Variants in VPS13A observed in about 807,000 individuals in gnomAD.
VPS13A encodes intermembrane lipid transfer protein VPS13A.
VPS13A carries 264 observed loss-of-function variants against 390.9 expected under a neutral mutation model. That is an observed-to-expected ratio of 0.68 (90% CI 0.61 to 0.75). The LOEUF (loss-of-function observed/expected upper bound fraction) is 0.75. Among genes scored for constraint, VPS13A ranks in the 30% least tolerant of loss-of-function variants. The pLI is 0.00. For missense variants in VPS13A, 3,409 were observed against 3,733.9 expected, an observed-to-expected ratio of 0.91 and a Z score of 2.27; for synonymous variants, 1,231 against 1,227.1, an observed-to-expected ratio of 1.00 and a Z score of -0.07.
intron 1 of VPS13A, chr9:77,178,330 C>T (rs1355155840): frequency 6.5e-6 from 1 of 154,726 alleles, no homozygotes; most frequent in Non-Finnish European, 1.4e-5. Context: ...GCCTCAATTC[C>T]TGGCTTCACC....
At chr9:77,269,927 G>C (rs985279910) in intron 23 of VPS13A, among the ~76,000 whole-genome samples, 2 of 152,132 alleles carry the variant, frequency 1.3e-5, no homozygotes, top group Admixed American at 1.3e-4. Flanking sequence ...AGGAAATTTG[G>C]TCTCACAGAG....
chr9:77,313,821 T>A (rs902082121), intron 35 of VPS13A, among the ~76,000 whole-genome samples, 171 bp from the exon 36 acceptor site: 7 of 151,960 alleles, frequency 4.6e-5, no homozygotes, highest in African/African-American at 1.7e-4. Flanking sequence ...ATGGAAAGAG[T>A]CCTAAGCCAG....
In VPS13A at chr9:77,358,375, G is replaced by A. The variant is rs769647678; in HGVS notation, c.7972G>A (p.Gly2658Ser). 34 of 1,613,176 alleles carry A rather than the reference G, an allele frequency of 2.1e-5. 2 individuals carry two copies. The South Asian group carries it at 3.5e-4, about 17-fold the overall frequency. Residue 2658 changes from glycine (G) to serine (S), a missense_variant, in exon 57 of 72, where the codon GGT (glycine) becomes AGT (serine). This residue lies in a region of VPS13A where 221 missense variants were observed against 300.7 expected (regional missense o/e 0.73). Coordinates refer to ENST00000360280, the MANE Select transcript of VPS13A (RefSeq NM_033305.3). Reference sequence around the variant, plus strand: ...TTCTTAGATCCAAAATCAGATACATGGTGCTGTATTTCCCTTTGTGTTTTA... The same window carrying A: ...TTCTTAGATCCAAAATCAGATACATAGTGCTGTATTTCCCTTTGTGTTTTA... ...YRIQIQNQIH[G>S]AVFPFVFYPV...
intron 68 of VPS13A, among the ~76,000 whole-genome samples, chr9:77,384,383 G>T (rs977666773): frequency 2.0e-5 from 3 of 151,804 alleles, no homozygotes; most frequent in Non-Finnish European, 4.4e-5. Context: ...TATACATTGA[G>T]TTTGTACCAA....
rs779216309 is a variant in VPS13A, at chr9:77,260,124, G to A, written c.2327G>A (p.Arg776Gln). ...GGAAAGTTACCTCTTATTTCTTTACGAATCTCAGATAAAAAACTACAAGGG... is the reference window on the plus strand; with the variant it reads ...GGAAAGTTACCTCTTATTTCTTTACAAATCTCAGATAAAAAACTACAAGGG... The part of the protein sequence containing the change: ...IYGKLPLISL[R>Q]ISDKKLQGIM... Residue 776 changes from arginine to glutamine, a missense_variant, in exon 23 of 72, where the codon CGA becomes CAA. By Grantham distance (43) the Arg-to-Gln change is conservative (BLOSUM62 1). Coordinates refer to ENST00000360280, the MANE Select transcript of VPS13A (RefSeq NM_033305.3). 3.2e-6 allele frequency: 5 copies of A among 1,566,282 alleles called. No homozygotes were observed. The highest frequency in any genetic ancestry group is 2.3e-5 in the South Asian group (2 of 88,788).
At chr9:77,296,250 C>T (rs1485952580) in intron 33 of VPS13A, among the ~76,000 whole-genome samples, 4 of 152,268 alleles carry the variant, frequency 2.6e-5, no homozygotes, top group East Asian at 3.9e-4. Context: ...GTAATTTAAA[C>T]GAACATGCAG....
At position 77,333,508 on chromosome 9, in the gene VPS13A, A is replaced by G. The variant is rs936329369; in HGVS notation, c.6095+1395A>G. Among the ~76,000 whole-genome samples the G allele has an allele frequency of 2.2e-5, 3 of 138,540 alleles. No homozygotes were observed. The Admixed American group carries it at 2.5e-4, about 12-fold the overall frequency. 90.9% of individuals were successfully genotyped at this position (138,540 alleles called of 152,430 possible). On this transcript the variant is annotated intron_variant, in intron 46 of 71. Coordinates refer to ENST00000360280, the MANE Select transcript of VPS13A (RefSeq NM_033305.3). ...GTGCAATGGCGGGATCTCAGCTCCC[A>G]GGTTCAAGCGAGTCTCCTGCCTCAG...
rs200873815 is a variant in VPS13A, at chr9:77,316,448, T to C, written c.4863+42T>C. ...ATCATCTGCTTAATTGTAACTATTT[T>C]GGATGTAGTGTATACCATTTTAGGA... On this transcript the variant is annotated intron_variant, in intron 39 of 71. Coordinates refer to ENST00000360280, the MANE Select transcript of VPS13A (RefSeq NM_033305.3). The C allele has an allele frequency of 9.9e-5, 155 of 1,558,080 alleles. No homozygotes were observed. The African/African-American group carries it at 2.0e-3, about 20-fold the overall frequency.
chr9:77,215,642 T>C (rs1304597265), intron 10 of VPS13A, among the ~76,000 whole-genome samples: 1 of 152,134 alleles, frequency 6.6e-6, no homozygotes, highest in Non-Finnish European at 1.5e-5. Context: ...CTCATAAAAA[T>C]GCTAAAGATA....
chr9:77,384,447 C>A, intron 68 of VPS13A: 1 of 1,172,692 alleles, frequency 8.5e-7, no homozygotes, highest in Non-Finnish European at 1.3e-6. Context: ...TCCATAATTA[C>A]AGTCTGAGTC....
intron 71 of VPS13A, among the ~76,000 whole-genome samples, chr9:77,411,660 C>CAAAAAAAAAAAAAAAAAAAAAAAAAA (rs1169254413): frequency 1.5e-4 from 5 of 33,920 alleles, no homozygotes; most frequent in African/African-American, 2.4e-4. Context: ...AACTCCATCT[C>CAAAAAAAAAAAAAAAAAAAAAAAAAA]AAAAAAAAAA....
chr9:77,293,429 A>C lies in VPS13A; in HGVS notation c.3428A>C (p.Asn1143Thr), dbSNP rs758475757. 6 of 1,611,058 alleles carry C rather than the reference A, an allele frequency of 3.7e-6. No individual in the cohort carries two copies. The highest frequency in any genetic ancestry group is 1.7e-6 in the Non-Finnish European group (2 of 1,178,812). Residue 1143 changes from asparagine (N) to threonine (T), a missense_variant, in exon 32 of 72, where the codon AAT (asparagine) becomes ACT (threonine). Asn to Thr is a moderately conservative substitution (Grantham distance 65). Coordinates refer to ENST00000360280, the MANE Select transcript of VPS13A (RefSeq NM_033305.3). ...GCTGGTTCTGCATACACAGATATGA[A>C]TGTGGTTGACATTCAGGTTAATTTA... The part of the protein sequence containing the change: ...ATAGSAYTDM[N>T]VVDIQVNLIV...
At chr9:77,403,464 A>C in intron 69 of VPS13A, 143 bp downstream of exon 69, 1 of 715,274 alleles carries the variant, frequency 1.4e-6, no homozygotes, top group Non-Finnish European at 2.5e-6. Context: ...TAACTCGCTA[A>C]ACATTACATA....
At chr9:77,182,439 A>G (rs1248440337) in intron 1 of VPS13A, among the ~76,000 whole-genome samples, 1 of 151,842 alleles carries the variant, frequency 6.6e-6, no homozygotes, top group African/African-American at 2.4e-5. Flanking sequence ...AGAATCAGCC[A>G]TAGGTGCTTA....
In VPS13A at chr9:77,321,286, T is replaced by G; in HGVS notation, c.5533T>G (p.Leu1845Val). The G allele has an allele frequency of 6.2e-7, 1 of 1,609,776 alleles. No individual in the cohort carries two copies. Among genetic ancestry groups the G allele is most frequent in the East Asian group, 2.2e-5 (1 of 44,712 alleles). ...FHSKDQLNIT[L>V]SKCGLVMLNN... ...TTCAAAAGACCAATTAAACATTACA[T>G]TATCCAAATGTGGTCTTGTAATGTT... Residue 1845 changes from leucine to valine, a missense_variant, in exon 43 of 72, where the codon TTA becomes GTA. This residue lies in a region of VPS13A where 2,717 missense variants were observed against 2,917.4 expected (regional missense o/e 0.93). Transcript: ENST00000360280.
At chr9:77,277,423 C>CT (rs558573138) in intron 26 of VPS13A, among the ~76,000 whole-genome samples, 3 of 152,194 alleles carry the variant, frequency 2.0e-5, no homozygotes, top group Non-Finnish European at 4.4e-5. Flanking sequence ...TGAACCTACA[C>CT]TGACACATCG....
At chr9:77,191,462 A>T (rs1390758890) in intron 1 of VPS13A, among the ~76,000 whole-genome samples, 1 of 151,074 alleles carries the variant, frequency 6.6e-6, no homozygotes, top group Non-Finnish European at 1.5e-5. Context: ...CACCTGGCTA[A>T]TTTTTTTTGT....
intron 33 of VPS13A, 60 bp from the exon 34 acceptor site, chr9:77,302,854 CT>C (rs1325510937): frequency 4.6e-6 from 7 of 1,522,900 alleles, no homozygotes; most frequent in South Asian, 3.5e-5. Context: ...TTAAGTTAAT[CT>C]TTTTTTAACT....
At chr9:77,220,726 T>TA (rs957817816) in intron 12 of VPS13A, among the ~76,000 whole-genome samples, 2 of 152,100 alleles carry the variant, frequency 1.3e-5, no homozygotes, top group Non-Finnish European at 2.9e-5. Flanking sequence ...CCCTATCAGA[T>TA]ACACTGAACC....
Sources: gnomAD v4.1 joint callset for allele counts (sites outside exome capture counted in the v4.1 genomes callset) on GRCh38, gnomAD v4.1.1 for gene constraint, gnomAD v4.1.1 regional missense constraint, MANE v1.5 for transcripts, NCBI Gene and HGNC (gene_info 2026-07-23, HGNC 2026-07-21) for gene names.